The following PLXNA4 variants were observed in gnomAD, a reference collection of about 807,000 sequenced individuals.
PLXNA4 encodes plexin A4.
PLXNA4 carries 44 observed loss-of-function variants against 191.8 expected under a neutral mutation model. The ratio of observed to expected loss-of-function variants is 0.23; its 90% CI spans 0.18 to 0.29. The LOEUF (loss-of-function observed/expected upper bound fraction) is 0.29, where lower values mean the gene tolerates loss of function less well. PLXNA4 is among the 10% of genes least tolerant of loss of function. The probability of loss-of-function intolerance (pLI) is 1.00; values close to 1 mark genes in which losing one functional copy is unlikely to be tolerated. For synonymous variants in PLXNA4, 1,082 were observed against 1,009.5 expected (o/e 1.07, Z -1.36); for missense variants, 1,800 against 2,488.8 (o/e 0.72, Z 5.89).
chr7:132,352,049 A>G (rs1563051941), intron 3 of PLXNA4, among the ~76,000 whole-genome samples: 1 of 152,164 alleles, frequency 6.6e-6, no homozygotes, highest in Admixed American at 6.5e-5. Flanking sequence ...TTCCACTGAC[A>G]TAATATCGGC....
intron 24 of PLXNA4, among the ~76,000 whole-genome samples, chr7:132,159,853 G>A (rs970176007): frequency 7.9e-5 from 12 of 152,174 alleles, no homozygotes; most frequent in Non-Finnish European, 1.5e-4. Context: ...GTCCTTGAGG[G>A]AGTGCGAGCT....
chr7:132,279,371 G>A (rs975526895), intron 4 of PLXNA4, among the ~76,000 whole-genome samples: 1 of 152,222 alleles, frequency 6.6e-6, no homozygotes, highest in African/African-American at 2.4e-5. Context: ...GCTGGGCATG[G>A]TGGCTCACAC....
chr7:132,190,933 G>C (rs1797067094), intron 14 of PLXNA4, among the ~76,000 whole-genome samples: 1 of 152,202 alleles, frequency 6.6e-6, no homozygotes. Context: ...AAATGGGGTG[G>C]GGTGCAGGGC....
chr7:132,456,350 C>A (rs956267874), intron 3 of PLXNA4, among the ~76,000 whole-genome samples: 3 of 152,094 alleles, frequency 2.0e-5, no homozygotes, highest in African/African-American at 7.2e-5. Flanking sequence ...TGAGCTCAGG[C>A]AATCCACCTG....
intron 2 of PLXNA4, among the ~76,000 whole-genome samples, chr7:132,594,765 C>G (rs1173817474): frequency 6.6e-6 from 1 of 152,144 alleles, no homozygotes; most frequent in Admixed American, 6.5e-5. Context: ...TGATGGGACC[C>G]TGCTGGACTC....
At chr7:132,202,589 G>T in intron 12 of PLXNA4, 57 bp downstream of exon 12, 1 of 1,409,722 alleles carries the variant, frequency 7.1e-7, no homozygotes. Flanking sequence ...TCCACAGGGT[G>T]TGGCACAGCA....
chr7:132,252,408 T>C (rs1339666285), intron 4 of PLXNA4, among the ~76,000 whole-genome samples: 1 of 139,378 alleles, frequency 7.2e-6, no homozygotes, highest in Non-Finnish European at 1.5e-5. Flanking sequence ...GCCTCCTGGG[T>C]TCAAGCGATT....
At chr7:132,213,966 C>A (rs1797883336) in intron 9 of PLXNA4, among the ~76,000 whole-genome samples, 1 of 152,058 alleles carries the variant, frequency 6.6e-6, no homozygotes, top group Non-Finnish European at 1.5e-5. Context: ...CCTCATGGAC[C>A]CCATCTATTT....
intron 2 of PLXNA4, among the ~76,000 whole-genome samples, chr7:132,587,482 G>C (rs1802524181): frequency 6.6e-6 from 1 of 152,238 alleles, no homozygotes. Flanking sequence ...GGACACTCAA[G>C]TGAAGACTAG....
Position 132,128,323 on chromosome 7 carries a change from C to CTCT in PLXNA4, c.*2153_*2155dup, listed in dbSNP as rs1189961468. ...TTCCAATGCATTGTTTCCCATTTTC[C>CTCT]TCTTCCCATTAGGTTGCTCATGTCT... On this transcript the variant is annotated 3_prime_UTR_variant, in exon 32 of 32. Coordinates refer to ENST00000321063, the MANE Select transcript of PLXNA4 (RefSeq NM_020911.2). 6.6e-6 allele frequency: 1 copy of CTCT among 152,050 alleles called. No homozygotes were observed. Among genetic ancestry groups the CTCT allele is most frequent in the Non-Finnish European group, 1.5e-5 (1 of 68,026 alleles). 9.4% of individuals were successfully genotyped at this position (152,050 alleles called of 1,614,324 possible). A position where few individuals can be genotyped will look rare whatever the true frequency, so the allele number is the denominator to read the frequency against.
At chr7:132,536,426 C>T (rs950655271) in intron 1 of PLXNA4, among the ~76,000 whole-genome samples, 1 of 152,210 alleles carries the variant, frequency 6.6e-6, no homozygotes, top group East Asian at 1.9e-4. Context: ...CCTCTGCATG[C>T]ACCCCACTGA....
At chr7:132,297,683 CTT>C (rs934665927) in intron 4 of PLXNA4, among the ~76,000 whole-genome samples, 1 of 152,148 alleles carries the variant, frequency 6.6e-6, no homozygotes. Context: ...TAACTACACT[CTT>C]TTGGCAATAA....
chr7:132,444,948 G>A (rs1159236668), intron 3 of PLXNA4, among the ~76,000 whole-genome samples: 1 of 151,536 alleles, frequency 6.6e-6, no homozygotes, highest in Non-Finnish European at 1.5e-5. Flanking sequence ...CGGATCATGA[G>A]GTCAGGAGAT....
chr7:132,217,512 A>G (rs1798000788), intron 9 of PLXNA4, among the ~76,000 whole-genome samples: 1 of 152,178 alleles, frequency 6.6e-6, no homozygotes. Context: ...AAGCTAAGGA[A>G]GAAATGATTT....
chr7:132,583,887 A>T (rs1386584280), intron 2 of PLXNA4, among the ~76,000 whole-genome samples: 1 of 152,250 alleles, frequency 6.6e-6, no homozygotes, highest in Non-Finnish European at 1.5e-5. Context: ...GTGTGGTAGC[A>T]CATGAGGGTT....
intron 20 of PLXNA4, among the ~76,000 whole-genome samples, chr7:132,179,457 G>T (rs868691451): frequency 3.4e-5 from 5 of 146,586 alleles, no homozygotes; most frequent in African/African-American, 1.3e-4. Context: ...ACTGCTGCCC[G>T]GCCTGCTTGC....
intron 4 of PLXNA4, among the ~76,000 whole-genome samples, chr7:132,253,108 G>T (rs1799311272): frequency 1.3e-5 from 2 of 151,806 alleles, no homozygotes; most frequent in Admixed American, 1.3e-4. Context: ...TCACAGACAG[G>T]GTATTATTGA....
intron 1 of PLXNA4, among the ~76,000 whole-genome samples, chr7:132,564,095 TCCTCCTCCTCC>T (rs1801582734): frequency 1.7e-5 from 2 of 121,046 alleles, no homozygotes; most frequent in Non-Finnish European, 3.5e-5. Flanking sequence ...CTCTTCCTCC[TCCTCCTCCTCC>T]TTCTCCTCCT....
intron 3 of PLXNA4, among the ~76,000 whole-genome samples, chr7:132,407,056 AG>A (rs746191541): frequency 3.3e-5 from 5 of 152,198 alleles, no homozygotes; most frequent in Non-Finnish European, 2.9e-5. Flanking sequence ...CTGGGATAGA[AG>A]GGCATTCTAG....
Sources: gnomAD v4.1 joint callset for allele counts (sites outside exome capture counted in the v4.1 genomes callset) on GRCh38, gnomAD v4.1.1 for gene constraint, MANE v1.5 for transcripts, NCBI Gene and HGNC (gene_info 2026-07-23, HGNC 2026-07-21) for gene names.